RAD51B: variants seen among roughly 807,000 people sequenced by gnomAD.
The protein encoded by RAD51B is RAD51 paralog B.
Under a neutral mutation model 42.2 loss-of-function variants are expected in RAD51B, and 38 were observed. The ratio of observed to expected loss-of-function variants is 0.90; its 90% CI spans 0.70 to 1.18. The LOEUF (loss-of-function observed/expected upper bound fraction) is 1.18, where lower values mean the gene tolerates loss of function less well. Ranked by LOEUF, RAD51B falls within the 50% of genes most tolerant of loss-of-function variation. The pLI, the probability that RAD51B is intolerant of heterozygous loss-of-function variation, is 0.00. For synonymous variants in RAD51B, 154 were observed against 145.2 expected, an observed-to-expected ratio of 1.06 and a Z score of -0.43; for missense variants, 373 against 400.7, an observed-to-expected ratio of 0.93 and a Z score of 0.59.
chr14:68,563,231 C>T (rs1440348721), intron 10 of RAD51B: 1 of 985,288 alleles, frequency 1.0e-6, no homozygotes, highest in Non-Finnish European at 1.2e-6. Flanking sequence ...CTCTCATTGC[C>T]ACATCATTAC....
At chr14:68,186,572 C>T (rs563821541) in intron 7 of RAD51B, among the ~76,000 whole-genome samples, 22 of 152,134 alleles carry the variant, frequency 1.4e-4, no homozygotes, top group Non-Finnish European at 2.9e-4. Context: ...GAAGACACTT[C>T]TCAAAAGAAG....
At chr14:68,016,153 A>C (rs992924700) in intron 7 of RAD51B, among the ~76,000 whole-genome samples, 14 of 152,238 alleles carry the variant, frequency 9.2e-5, no homozygotes, top group Admixed American at 2.0e-4. Context: ...TAAAATGCTT[A>C]GCCATCAGCG....
intron 8 of RAD51B, among the ~76,000 whole-genome samples, chr14:68,297,703 A>G (rs1486925922): frequency 2.0e-5 from 3 of 152,218 alleles, no homozygotes; most frequent in African/African-American, 4.8e-5. Flanking sequence ...ATTAACAACT[A>G]TGATCAACAT....
rs79366225 is a variant in RAD51B, at chr14:68,293,740, C to T, written c.853+1760C>T. Among the ~76,000 whole-genome samples the T allele has an allele frequency of 4.0e-3, 607 of 152,216 alleles. 11 individuals are homozygous for T. In the East Asian group the frequency reaches 0.056, roughly 14 times the overall value. ...TCTCAGTCTCTTTTTCCTCTGTGGC[C>T]GCTCTATCTGCTCAACTGTATAAAG... On this transcript the variant is annotated intron_variant, in intron 8 of 10. Transcript: ENST00000471583.
intron 10 of RAD51B, among the ~76,000 whole-genome samples, chr14:68,617,698 C>G (rs1891853302): frequency 6.6e-6 from 1 of 152,206 alleles, no homozygotes; most frequent in South Asian, 2.1e-4. Context: ...CAATCAGAAA[C>G]TGTCATGATC....
At chr14:67,950,878 A>G (rs1409662928) in intron 7 of RAD51B, among the ~76,000 whole-genome samples, 3 of 151,948 alleles carry the variant, frequency 2.0e-5, no homozygotes, top group Non-Finnish European at 4.4e-5. Flanking sequence ...TCATATTTTT[A>G]TGTCTCAGGG....
intron 10 of RAD51B, among the ~76,000 whole-genome samples, chr14:68,473,711 A>AT (rs539736367): frequency 1.1e-4 from 17 of 150,270 alleles, no homozygotes; most frequent in East Asian, 3.9e-4. Context: ...TTTGTTTCAG[A>AT]TTTTTTTTTT....
intron 7 of RAD51B, among the ~76,000 whole-genome samples, chr14:68,267,474 G>T (rs2081015104): frequency 1.3e-5 from 2 of 152,122 alleles, no homozygotes; most frequent in African/African-American, 4.8e-5. Context: ...GAAAGAATTA[G>T]TCTTCTAGAA....
At chr14:67,943,538 A>G (rs901207280) in intron 7 of RAD51B, among the ~76,000 whole-genome samples, 6 of 152,168 alleles carry the variant, frequency 3.9e-5, no homozygotes, top group African/African-American at 1.4e-4. Flanking sequence ...TATTCCACCC[A>G]TCCCTCCATC....
At chr14:68,464,060 C>T (rs1171710001) in intron 9 of RAD51B, among the ~76,000 whole-genome samples, 1 of 152,222 alleles carries the variant, frequency 6.6e-6, no homozygotes, top group East Asian at 1.9e-4. Context: ...GCTCTGTTCT[C>T]AAGGACAAGG....
intron 7 of RAD51B, among the ~76,000 whole-genome samples, chr14:67,958,732 G>A (rs868155956): frequency 6.6e-6 from 1 of 152,156 alleles, no homozygotes; most frequent in South Asian, 2.1e-4. Flanking sequence ...GGATGCCCTA[G>A]CTCTAAACAA....
intron 11 of RAD51B, among the ~76,000 whole-genome samples, chr14:68,663,958 A>G (rs1892985556): frequency 6.6e-6 from 1 of 152,194 alleles, no homozygotes; most frequent in Non-Finnish European, 1.5e-5. Flanking sequence ...CACTTGATAA[A>G]TGTGTTATTC....
At chr14:68,562,352 T>C (rs1023381163) in intron 10 of RAD51B, 3 of 985,250 alleles carry the variant, frequency 3.0e-6, no homozygotes, top group Non-Finnish European at 3.6e-6. Flanking sequence ...ACAGGGAGTT[T>C]AAGGTGGGAA....
At chr14:67,844,628 T>A (rs894506025) in intron 4 of RAD51B, among the ~76,000 whole-genome samples, 24 of 148,664 alleles carry the variant, frequency 1.6e-4, no homozygotes, top group Middle Eastern at 3.5e-3. Flanking sequence ...ATATATATTT[T>A]TTTTATTATA....
At chr14:68,192,094 A>G (rs532509006) in intron 7 of RAD51B, among the ~76,000 whole-genome samples, 3 of 152,316 alleles carry the variant, frequency 2.0e-5, no homozygotes, top group African/African-American at 7.2e-5. Flanking sequence ...TTTAACCCAG[A>G]CATCTCTCTT....
chr14:68,300,454 C>T (rs1013268546), intron 8 of RAD51B, among the ~76,000 whole-genome samples: 1 of 152,174 alleles, frequency 6.6e-6, no homozygotes, highest in African/African-American at 2.4e-5. Context: ...AAGCAATCCT[C>T]CTGCCTCTAC....
chr14:68,099,660 A>C (rs2077255896), intron 7 of RAD51B, among the ~76,000 whole-genome samples: 1 of 152,236 alleles, frequency 6.6e-6, no homozygotes, highest in Non-Finnish European at 1.5e-5. Flanking sequence ...AAGAAAGAGC[A>C]TTCCTAAGAA....
At chr14:68,554,792 G>C (rs1225188759) in intron 10 of RAD51B, among the ~76,000 whole-genome samples, 1 of 152,016 alleles carries the variant, frequency 6.6e-6, no homozygotes, top group Non-Finnish European at 1.5e-5. Flanking sequence ...CCAGAATATG[G>C]TAGGTACTTA....
At chr14:68,576,307 A>C (rs1224490894) in intron 10 of RAD51B, among the ~76,000 whole-genome samples, 1 of 152,210 alleles carries the variant, frequency 6.6e-6, no homozygotes, top group African/African-American at 2.4e-5. Context: ...GAGAATGAAC[A>C]TGAAGGGAGA....
Sources: gnomAD v4.1 joint callset for allele counts (sites outside exome capture counted in the v4.1 genomes callset) on GRCh38, gnomAD v4.1.1 for gene constraint, MANE v1.5 for transcripts, NCBI Gene and HGNC (gene_info 2026-07-23, HGNC 2026-07-21) for gene names.